The following MED13L variants were observed in gnomAD, a reference collection of about 807,000 sequenced individuals.
The protein encoded by MED13L is mediator of RNA polymerase II transcription subunit 13-like.
Under a neutral mutation model 220.9 loss-of-function variants are expected in MED13L, and 7 were observed. The ratio of observed to expected loss-of-function variants is 0.03; its 90% CI spans 0.02 to 0.06. MED13L has a LOEUF of 0.06. Among genes scored for constraint, MED13L ranks in the 10% least tolerant of loss-of-function variants. The pLI is 1.00. For synonymous variants in MED13L, 1,011 were observed against 1,015.2 expected, an observed-to-expected ratio of 1.00 and a Z score of 0.08; for missense variants, 1,965 against 2,760.5, an observed-to-expected ratio of 0.71 and a Z score of 6.46.
chr12:116,103,237 C>A (rs1873242878), intron 3 of MED13L, among the ~76,000 whole-genome samples: 1 of 151,954 alleles, frequency 6.6e-6, no homozygotes, highest in African/African-American at 2.4e-5. Flanking sequence ...TCTCCAACTA[C>A]CAAATAAAAT....
intron 2 of MED13L, among the ~76,000 whole-genome samples, chr12:116,116,828 A>G (rs1874563491): frequency 2.0e-5 from 3 of 151,714 alleles, no homozygotes; most frequent in Admixed American, 1.3e-4. Flanking sequence ...CCACCTCTGC[A>G]ACATTTGGTC....
intron 7 of MED13L, among the ~76,000 whole-genome samples, chr12:116,015,727 T>G (rs1449834717): frequency 9.2e-5 from 14 of 152,210 alleles, no homozygotes; most frequent in Admixed American, 3.9e-4. Flanking sequence ...TGTAGCTAAA[T>G]GGCTGTATAT....
At chr12:116,206,072 A>C (rs1882308270) in intron 2 of MED13L, among the ~76,000 whole-genome samples, 3 of 127,530 alleles carry the variant, frequency 2.4e-5, no homozygotes, top group African/African-American at 9.0e-5. Flanking sequence ...AAGTATTATT[A>C]CCTTTTTTTT....
intron 2 of MED13L, among the ~76,000 whole-genome samples, chr12:116,146,255 TG>T (rs1424211221): frequency 1.3e-5 from 2 of 152,130 alleles, no homozygotes; most frequent in African/African-American, 2.4e-5. Flanking sequence ...CCCAAGTAGC[TG>T]GGACTACAGG....
At chr12:116,226,045 T>C (rs1480027487) in intron 2 of MED13L, among the ~76,000 whole-genome samples, 1 of 147,310 alleles carries the variant, frequency 6.8e-6, no homozygotes, top group Admixed American at 7.1e-5. Context: ...ACTTCATCTT[T>C]ATCTAATTTT....
At chr12:116,100,564 C>T (rs1430048513) in intron 3 of MED13L, among the ~76,000 whole-genome samples, 1 of 133,434 alleles carries the variant, frequency 7.5e-6, no homozygotes, top group African/African-American at 2.9e-5. Flanking sequence ...CACACCATTG[C>T]ATTCTGGCCT....
At chr12:116,025,124 A>G (rs1880309386) in intron 4 of MED13L, among the ~76,000 whole-genome samples, 1 of 152,172 alleles carries the variant, frequency 6.6e-6, no homozygotes, top group Non-Finnish European at 1.5e-5. Flanking sequence ...AGGTATATAG[A>G]AAAAATGTTC....
chr12:116,261,191 T>C (rs1872486359), intron 1 of MED13L, among the ~76,000 whole-genome samples: 1 of 152,080 alleles, frequency 6.6e-6, no homozygotes, highest in Non-Finnish European at 1.5e-5. Context: ...AACCTACTCT[T>C]ATTGTCTCAA....
At chr12:116,073,118 A>G (rs559612839) in intron 4 of MED13L, among the ~76,000 whole-genome samples, 1 of 152,310 alleles carries the variant, frequency 6.6e-6, no homozygotes, top group Admixed American at 6.5e-5. Context: ...AACAGAAGGT[A>G]AAGAATGTGA....
intron 7 of MED13L, among the ~76,000 whole-genome samples, chr12:116,016,355 C>T (rs922310240): frequency 4.6e-5 from 7 of 151,864 alleles, no homozygotes; most frequent in Non-Finnish European, 8.8e-5. Flanking sequence ...CTCTTCTTTC[C>T]GATAAAAGTA....
Position 115,975,746 on chromosome 12 carries a change from C to T in MED13L, c.5365-8G>A. On this transcript the variant is annotated splice_polypyrimidine_tract_variant and splice_region_variant and intron_variant, in intron 23 of 30. Transcript: ENST00000281928. ...CTGGATTGGGCTGGGCCGCTGAAAT[C>T]AAAACCAAAATCAATATCAGTACAA... 6.2e-7 allele frequency: 1 copy of T among 1,610,782 alleles called. No homozygotes were observed. Among genetic ancestry groups the T allele is most frequent in the Non-Finnish European group, 8.5e-7 (1 of 1,177,850 alleles).
rs145870213 is a variant in MED13L at position 116,061,434 on chromosome 12, T to C, written c.479+35235A>G. ...CAGAACTGAGTTTACATCTTACCTA[T>C]TATAAGCTGCCTTAAGTCAATTAAC... is the stretch of plus-strand genomic sequence containing the variant. On this transcript the variant is annotated intron_variant, in intron 4 of 30. Coordinates refer to ENST00000281928, the MANE Select transcript of MED13L (RefSeq NM_015335.5). Among the ~76,000 whole-genome samples, 336 of 152,280 alleles carry C rather than the reference T, an allele frequency of 2.2e-3. 1 individual carries two copies. Among genetic ancestry groups the C allele is most frequent in the African/African-American group, 7.8e-3 (324 of 41,554 alleles).
At chr12:115,977,673 A>G (rs1430724650) in intron 23 of MED13L, among the ~76,000 whole-genome samples, 3 of 152,202 alleles carry the variant, frequency 2.0e-5, no homozygotes, top group African/African-American at 4.8e-5. Flanking sequence ...CCTCAAAATC[A>G]TTATGCTAAC....
At chr12:115,965,105 T>G (rs1181659373) in intron 29 of MED13L, among the ~76,000 whole-genome samples, 3 of 152,238 alleles carry the variant, frequency 2.0e-5, no homozygotes, top group African/African-American at 7.2e-5. Flanking sequence ...AGTTTTTGGT[T>G]TAATTTCCAT....
chr12:116,153,919 A>G (rs763404024), intron 2 of MED13L, among the ~76,000 whole-genome samples: 1 of 152,206 alleles, frequency 6.6e-6, no homozygotes, highest in East Asian at 1.9e-4. Flanking sequence ...CATTAAAAAC[A>G]GAAATGGCCT....
At position 116,146,800 on chromosome 12, in the gene MED13L, G is replaced by T. The variant is rs555385827; in HGVS notation, c.311-35288C>A. On this transcript the variant is annotated intron_variant, in intron 2 of 30. Coordinates refer to ENST00000281928, the MANE Select transcript of MED13L (RefSeq NM_015335.5). ...CAAAAATTGCTTGAACCCAGGAGGC[G>T]AAAGTTGCAGTGAGCCAAGATCGCA... Among the ~76,000 whole-genome samples, 5 of 151,764 alleles carry T rather than the reference G, an allele frequency of 3.3e-5. No homozygotes were observed. The East Asian group carries it at 9.7e-4, about 30-fold the overall frequency.
At chr12:116,107,564 A>C (rs1873691123) in intron 3 of MED13L, among the ~76,000 whole-genome samples, 1 of 152,234 alleles carries the variant, frequency 6.6e-6, no homozygotes, top group South Asian at 2.1e-4. Flanking sequence ...TACAATAGAA[A>C]TTGCAGCCTT....
At chr12:116,238,587 T>C (rs1355836052) in intron 1 of MED13L, among the ~76,000 whole-genome samples, 1 of 152,240 alleles carries the variant, frequency 6.6e-6, no homozygotes, top group Non-Finnish European at 1.5e-5. Context: ...AGGTGGCCCT[T>C]GCATTGAATC....
chr12:115,984,085 A>G (rs1353648952), intron 20 of MED13L, 95 bp downstream of exon 20: 18 of 1,358,110 alleles, frequency 1.3e-5, no homozygotes, highest in Non-Finnish European at 1.6e-5. Flanking sequence ...ACTTGAGACA[A>G]AAGAAATATA....
Sources: gnomAD v4.1 joint callset for allele counts (sites outside exome capture counted in the v4.1 genomes callset) on GRCh38, gnomAD v4.1.1 for gene constraint, MANE v1.5 for transcripts, NCBI Gene and HGNC (gene_info 2026-07-23, HGNC 2026-07-21) for gene names.